ATG3: variants seen among roughly 807,000 people sequenced by gnomAD.
ATG3 encodes ubiquitin-like-conjugating enzyme ATG3.
A neutral mutation model predicts 50.7 loss-of-function variants in ATG3; 25 were observed. That is an observed-to-expected ratio of 0.49 (90% CI 0.36 to 0.69). The LOEUF (loss-of-function observed/expected upper bound fraction) is 0.69. Ranked by LOEUF, ATG3 falls within the 30% of genes least tolerant of loss-of-function variation. ATG3 has a pLI of 0.00. For missense variants in ATG3, 281 were observed against 376.0 expected, an observed-to-expected ratio of 0.75 and a Z score of 2.09; for synonymous variants, 119 against 125.5, an observed-to-expected ratio of 0.95 and a Z score of 0.34.
intron 3 of ATG3, among the ~76,000 whole-genome samples, chr3:112,551,821 GA>G (rs908421402): frequency 6.0e-5 from 9 of 149,732 alleles, no homozygotes; most frequent in Non-Finnish European, 8.9e-5. Flanking sequence ...AATACAGAAA[GA>G]AAAAAAAACC....
chr3:112,557,819 A>G (rs1933731280), intron 2 of ATG3, among the ~76,000 whole-genome samples: 2 of 127,862 alleles, frequency 1.6e-5, no homozygotes, highest in East Asian at 2.2e-4. Flanking sequence ...TCATTGGCAG[A>G]AAAAAAAAAA....
intron 6 of ATG3, chr3:112,543,848 A>C (rs1350977414): frequency 3.6e-5 from 14 of 387,418 alleles, no homozygotes; most frequent in Non-Finnish European, 6.2e-5. Context: ...TAAGGAAAAT[A>C]AGAGATGCAT....
Position 112,537,859 on chromosome 3 carries a change from G to T in ATG3, c.542C>A (p.Ala181Asp). 6.2e-7 allele frequency: 1 copy of T among 1,611,314 alleles called. No homozygotes were observed. ...ATLDTRKIVE[A>D]CKAKTDAGGE... is the part of the protein sequence containing the mutation. ...GCCAGCATCAGTTTTGGCTTTACAA[G>T]CTTCTACTATTTTCCTTGTATCTAG... The change falls in exon 9 of 12, where the codon GCT becomes GAT. Residue 181 changes from alanine to aspartate, a missense_variant. Ala to Asp is a moderately radical substitution (Grantham distance 126). Coordinates refer to ENST00000283290, the MANE Select transcript of ATG3 (RefSeq NM_022488.5).
At chr3:112,542,528 G>T (rs927076315) in intron 6 of ATG3, among the ~76,000 whole-genome samples, 3 of 151,936 alleles carry the variant, frequency 2.0e-5, no homozygotes, top group Non-Finnish European at 4.4e-5. Context: ...TTTTACCTAG[G>T]TTACATTTTA....
At chr3:112,559,679 G>A (rs960535866) in intron 1 of ATG3, among the ~76,000 whole-genome samples, 2 of 152,196 alleles carry the variant, frequency 1.3e-5, no homozygotes, top group Non-Finnish European at 2.9e-5. Context: ...ATAGAGGGAA[G>A]AGCACATGCA....
At chr3:112,553,366 A>G (rs1044746894) in intron 2 of ATG3, 37 bp from the exon 3 acceptor site, 35 of 1,588,380 alleles carry the variant, frequency 2.2e-5, no homozygotes, top group Non-Finnish European at 3.0e-5. Context: ...AAAAAAGGAA[A>G]AAGAAAAATC....
chr3:112,553,364 A>G, intron 2 of ATG3, 35 bp from the exon 3 acceptor site: 1 of 1,590,092 alleles, frequency 6.3e-7, no homozygotes. Context: ...GAAAAAAAGG[A>G]AAAAGAAAAA....
At chr3:112,545,008 T>C (rs1358923383) in intron 5 of ATG3, among the ~76,000 whole-genome samples, 8 of 152,188 alleles carry the variant, frequency 5.3e-5, no homozygotes, top group Non-Finnish European at 1.0e-4. Context: ...GCTTCAGAAA[T>C]GTAGGATACC....
chr3:112,550,562 T>C (rs186236450), intron 3 of ATG3, among the ~76,000 whole-genome samples: 3 of 152,220 alleles, frequency 2.0e-5, no homozygotes, highest in African/African-American at 7.2e-5. Flanking sequence ...TGTTTGCCTC[T>C]AAACAACAAT....
At chr3:112,558,617 G>A (rs1208069580) in intron 1 of ATG3, among the ~76,000 whole-genome samples, 200 bp from the exon 2 acceptor site, 3 of 151,830 alleles carry the variant, frequency 2.0e-5, no homozygotes, top group African/African-American at 7.3e-5. Context: ...CTATCTATCT[G>A]TTTCACTCAC....
intron 2 of ATG3, among the ~76,000 whole-genome samples, chr3:112,556,353 AAG>A (rs1933680668): frequency 7.1e-6 from 1 of 141,168 alleles, no homozygotes; most frequent in African/African-American, 2.7e-5. Flanking sequence ...CCCTACTGGG[AAG>A]AGAGGAGCCC....
chr3:112,550,327 A>G (rs1378435864), intron 3 of ATG3, 65 bp from the exon 4 acceptor site: 2 of 1,240,530 alleles, frequency 1.6e-6, no homozygotes, highest in African/African-American at 3.0e-5. Context: ...TACAGCAGAA[A>G]GTATTGCATA....
At position 112,532,780 on chromosome 3, in the gene ATG3, C is replaced by T; in HGVS notation, c.864G>A (p.Met288Ile). ...CAAATTTCAAGAAAATAAGAAGATA[C>T]CTAAAGGTTTTTAGCTAAGGAAAAT... ...AEGGGELGVH[M>I]YLLIFLKFVQ... Residue 288 changes from methionine (M) to isoleucine (I), a missense_variant and splice_region_variant, in exon 12 of 12, where the codon ATG (methionine) becomes ATA (isoleucine). Transcript: ENST00000283290. 1.3e-6 allele frequency: 2 copies of T among 1,583,386 alleles called. No homozygotes were observed. Among genetic ancestry groups the T allele is most frequent in the Non-Finnish European group, 1.7e-6 (2 of 1,165,460 alleles).
chr3:112,561,436 G>A lies in ATG3; in HGVS notation c.72+21C>T, dbSNP rs764381490. 1.2e-5 allele frequency: 20 copies of A among 1,611,332 alleles called. No individual in the cohort carries two copies. In the South Asian group the frequency reaches 2.2e-4, roughly 18 times the overall value. On this transcript the variant is annotated intron_variant, in intron 1 of 11. Transcript: ENST00000283290. The stretch of plus-strand genomic sequence containing the variant: ...GTCGAGCATGTGCCTGACAGCTCCC[G>A]GCAACCCTGGCCTGGCTTACCTTGA...
At chr3:112,537,440 T>C (rs1933101315) in intron 9 of ATG3, 1 of 200,774 alleles carries the variant, frequency 5.0e-6, no homozygotes, top group South Asian at 1.6e-4. Flanking sequence ...CCAAACAAAA[T>C]TTAATAAAAT....
At chr3:112,555,172 A>T (rs1933632223) in intron 2 of ATG3, among the ~76,000 whole-genome samples, 1 of 152,228 alleles carries the variant, frequency 6.6e-6, no homozygotes, top group Admixed American at 6.5e-5. Context: ...CTATTTAAAA[A>T]CAAGAACACT....
intron 9 of ATG3, 48 bp from the exon 10 acceptor site, chr3:112,536,650 A>G (rs1019639383): frequency 1.2e-6 from 2 of 1,601,644 alleles, no homozygotes; most frequent in Non-Finnish European, 8.5e-7. Context: ...GGCCGGGTGC[A>G]GTGGCTCACG....
intron 10 of ATG3, chr3:112,535,963 A>C (rs1355033380): frequency 1.3e-5 from 2 of 153,378 alleles, no homozygotes; most frequent in Admixed American, 6.5e-5. Flanking sequence ...GAAAATCCCA[A>C]CTTATAAAAT....
chr3:112,550,057 T>A (rs1021519609), intron 4 of ATG3, 135 bp downstream of exon 4: 6 of 584,756 alleles, frequency 1.0e-5, no homozygotes, highest in Non-Finnish European at 1.8e-5. Flanking sequence ...GACAACTATA[T>A]GTTTTTGGCA....
Sources: allele counts gnomAD v4.1 joint callset (sites outside exome capture counted in the v4.1 genomes callset), GRCh38; gene constraint gnomAD v4.1.1; transcripts MANE v1.5; gene names NCBI Gene and HGNC (gene_info 2026-07-23, HGNC 2026-07-21).